PAPSS2: variants seen among roughly 807,000 people sequenced by gnomAD.
PAPSS2 encodes 3'-phosphoadenosine 5'-phosphosulfate synthase 2, also known as bifunctional 3'-phosphoadenosine 5'-phosphosulfate synthase 2.
Under a neutral mutation model 66.5 loss-of-function variants are expected in PAPSS2, and 61 were observed. The ratio of observed to expected loss-of-function variants is 0.92; its 90% CI spans 0.75 to 1.14. The LOEUF (loss-of-function observed/expected upper bound fraction) is 1.14. PAPSS2 is among the 50% of genes most tolerant of loss of function. The pLI, the probability that PAPSS2 is intolerant of heterozygous loss-of-function variation, is 0.00. For synonymous variants in PAPSS2, 289 were observed against 287.5 expected, an observed-to-expected ratio of 1.01 and a Z score of -0.05; for missense variants, 708 against 789.6, an observed-to-expected ratio of 0.90 and a Z score of 1.24.
Position 87,709,254 on chromosome 10 carries a change from A to C in PAPSS2, c.86A>C (p.Lys29Thr). 6.2e-7 allele frequency: 1 copy of C among 1,613,658 alleles called. No homozygotes were observed. The highest frequency in any genetic ancestry group is 8.5e-7 in the Non-Finnish European group (1 of 1,179,652). The stretch of plus-strand genomic sequence containing the variant: ...CAGGCCCACCATGTGAGCAGGAATA[A>C]GAGAGGGCAAGTGGTTGGAACAAGG... ...VYQAHHVSRN[K>T]RGQVVGTRGG... The change falls in exon 2 of 13, where the codon AAG (lysine) becomes ACG (threonine). Residue 29 changes from lysine (K) to threonine (T), a missense_variant. Lys to Thr is a moderately conservative substitution (Grantham distance 78, BLOSUM62 -1). Coordinates refer to ENST00000456849, the MANE Select transcript of PAPSS2 (RefSeq NM_001015880.2).
chr10:87,702,880 C>T (rs1853335063), intron 1 of PAPSS2, among the ~76,000 whole-genome samples: 1 of 152,162 alleles, frequency 6.6e-6, no homozygotes, highest in Non-Finnish European at 1.5e-5. Flanking sequence ...AATGCCCCGC[C>T]CCACCATGAA....
intron 9 of PAPSS2, among the ~76,000 whole-genome samples, chr10:87,733,035 C>A (rs1233331460): frequency 1.3e-5 from 2 of 152,154 alleles, no homozygotes; most frequent in East Asian, 3.8e-4. Flanking sequence ...CAAAATAATT[C>A]TTTTTGCTGT....
At chr10:87,722,519 G>A (rs1436092436) in intron 8 of PAPSS2, among the ~76,000 whole-genome samples, 3 of 152,278 alleles carry the variant, frequency 2.0e-5, no homozygotes, top group East Asian at 1.9e-4. Flanking sequence ...ATTATTGAAA[G>A]CAAAAGAAAA....
At chr10:87,708,661 T>C (rs1313769861) in intron 1 of PAPSS2, among the ~76,000 whole-genome samples, 1 of 152,148 alleles carries the variant, frequency 6.6e-6, no homozygotes, top group East Asian at 1.9e-4. Context: ...TTACATAAAA[T>C]CAAAAATTTT....
intron 1 of PAPSS2, among the ~76,000 whole-genome samples, chr10:87,686,178 T>A (rs958203622): frequency 6.6e-6 from 1 of 151,288 alleles, no homozygotes; most frequent in African/African-American, 2.4e-5. Flanking sequence ...TAGTTGTGTA[T>A]GTATGTACAG....
At chr10:87,717,325 G>C (rs1484803602) in intron 7 of PAPSS2, among the ~76,000 whole-genome samples, 1 of 152,150 alleles carries the variant, frequency 6.6e-6, no homozygotes, top group Non-Finnish European at 1.5e-5. Context: ...CAGACAACAA[G>C]GTGCTGTTGA....
chr10:87,679,299 G>A (rs1477542459), intron 1 of PAPSS2, among the ~76,000 whole-genome samples: 1 of 152,126 alleles, frequency 6.6e-6, no homozygotes, highest in African/African-American at 2.4e-5. Context: ...GTGGGGAGAT[G>A]AACAAAGATA....
intron 1 of PAPSS2, among the ~76,000 whole-genome samples, chr10:87,707,996 T>C (rs1853413998): frequency 6.6e-6 from 1 of 152,230 alleles, no homozygotes; most frequent in Non-Finnish European, 1.5e-5. Context: ...TGTCTGTCAT[T>C]AGAAATTCAA....
At chr10:87,681,958 G>A (rs1853026967) in intron 1 of PAPSS2, among the ~76,000 whole-genome samples, 1 of 152,118 alleles carries the variant, frequency 6.6e-6, no homozygotes, top group Admixed American at 6.5e-5. Context: ...TGGACATTTG[G>A]GTTGCTTACA....
At position 87,673,909 on chromosome 10, in the gene PAPSS2, G is replaced by A. The variant is rs1852912428; in HGVS notation, c.27+13901G>A. On this transcript the variant is annotated intron_variant, in intron 1 of 12. Transcript: ENST00000456849. ...CATATCTGAATTTTTGTTCTAGAAG[G>A]TCCCAGAGCTCTCCTTTACCATTCT... 1.3e-5 allele frequency among the ~76,000 whole-genome samples: 2 copies of A among 151,876 alleles called. 1 individual carries two copies. Among genetic ancestry groups the A allele is most frequent in the Admixed American group, 1.3e-4 (2 of 15,262 alleles).
chr10:87,727,088 T>TG (rs1853668275), intron 8 of PAPSS2, among the ~76,000 whole-genome samples, 196 bp from the exon 9 acceptor site: 1 of 152,246 alleles, frequency 6.6e-6, no homozygotes, highest in Admixed American at 6.5e-5. Flanking sequence ...ATGCTCCACT[T>TG]GCTTTGGGAA....
intron 1 of PAPSS2, among the ~76,000 whole-genome samples, chr10:87,676,476 C>T (rs572178260): frequency 6.6e-6 from 1 of 152,190 alleles, no homozygotes; most frequent in African/African-American, 2.4e-5. Context: ...TATGTAAGTA[C>T]CTCAAGGGCA....
chr10:87,713,030 A>T, intron 2 of PAPSS2, 45 bp from the exon 3 acceptor site: 3 of 1,055,380 alleles, frequency 2.8e-6, no homozygotes, highest in Non-Finnish European at 4.5e-6. Flanking sequence ...TTGTCATCTT[A>T]AACTATCCAG....
At chr10:87,669,567 C>T (rs1852851819) in intron 1 of PAPSS2, among the ~76,000 whole-genome samples, 1 of 152,178 alleles carries the variant, frequency 6.6e-6, no homozygotes, top group Non-Finnish European at 1.5e-5. Flanking sequence ...AAGAAGACAT[C>T]AAATAAAGCC....
chr10:87,660,804 G>A (rs1033695865), intron 1 of PAPSS2, among the ~76,000 whole-genome samples: 1 of 114,150 alleles, frequency 8.8e-6, no homozygotes, highest in Non-Finnish European at 1.8e-5. Flanking sequence ...CCAATAAACT[G>A]AAAAAAAAAA....
chr10:87,705,179 G>A (rs1564717999), intron 1 of PAPSS2, among the ~76,000 whole-genome samples: 1 of 152,176 alleles, frequency 6.6e-6, no homozygotes, highest in African/African-American at 2.4e-5. Context: ...CATATATAAT[G>A]TGTAGTTTTT....
chr10:87,684,991 C>T (rs1853070034), intron 1 of PAPSS2, among the ~76,000 whole-genome samples: 2 of 152,112 alleles, frequency 1.3e-5, no homozygotes, highest in Admixed American at 1.3e-4. Context: ...ATCCAGGTCA[C>T]CAGGCTACAC....
At chr10:87,689,782 T>A (rs984166780) in intron 1 of PAPSS2, among the ~76,000 whole-genome samples, 1 of 149,834 alleles carries the variant, frequency 6.7e-6, no homozygotes, top group African/African-American at 2.5e-5. Flanking sequence ...GTAAAGAGTA[T>A]GAATGAGAGT....
chr10:87,665,764 G>A (rs1852808741), intron 1 of PAPSS2, among the ~76,000 whole-genome samples: 1 of 152,084 alleles, frequency 6.6e-6, no homozygotes, highest in South Asian at 2.1e-4. Flanking sequence ...TCACTTGAGT[G>A]GGTTCTGGGC....
Sources: allele counts gnomAD v4.1 joint callset (sites outside exome capture counted in the v4.1 genomes callset), GRCh38; gene constraint gnomAD v4.1.1; transcripts MANE v1.5; gene names NCBI Gene and HGNC (gene_info 2026-07-23, HGNC 2026-07-21).